Variants in CDH4 observed in about 807,000 individuals in gnomAD.
The protein encoded by CDH4 is cadherin 4.
CDH4 carries 33 observed loss-of-function variants against 86.0 expected under a neutral mutation model. That is an observed-to-expected ratio of 0.38 (90% CI 0.29 to 0.51). CDH4 has a LOEUF of 0.51. CDH4 is among the 20% of genes least tolerant of loss of function. The pLI is 0.86. For synonymous variants in CDH4, 555 were observed against 549.4 expected, an observed-to-expected ratio of 1.01 and a Z score of -0.14; for missense variants, 1,114 against 1,307.4, an observed-to-expected ratio of 0.85 and a Z score of 2.28.
intron 2 of CDH4, among the ~76,000 whole-genome samples, chr20:61,444,633 G>A (rs926392017): frequency 4.7e-5 from 7 of 148,290 alleles, no homozygotes; most frequent in Non-Finnish European, 1.0e-4. Flanking sequence ...GTGTATATTT[G>A]TGTGTTTCTG....
At chr20:61,353,068 C>G (rs1364451778) in intron 2 of CDH4, among the ~76,000 whole-genome samples, 6 of 152,182 alleles carry the variant, frequency 3.9e-5, no homozygotes, top group Admixed American at 3.9e-4. Flanking sequence ...GGTTTCTGAC[C>G]CGCCACAGGG....
chr20:61,340,410 C>A (rs1042352933), intron 2 of CDH4, among the ~76,000 whole-genome samples: 1 of 152,162 alleles, frequency 6.6e-6, no homozygotes, highest in Non-Finnish European at 1.5e-5. Flanking sequence ...AAACCAAGTC[C>A]GGTGTCCATC....
intron 3 of CDH4, among the ~76,000 whole-genome samples, chr20:61,758,562 C>A (rs971275218): frequency 6.6e-6 from 1 of 152,192 alleles, no homozygotes; most frequent in African/African-American, 2.4e-5. Flanking sequence ...CACCTCCCAG[C>A]CAAGGATGTC....
At position 61,333,906 on chromosome 20, in the gene CDH4, A is replaced by C. The variant is rs6028119; in HGVS notation, c.169+78969A>C. Reference sequence around the variant, plus strand: ...AATGGCTGCATACAGGCTGCAGACCAGGGGCACCATGAGGTGACTGGGTGG... The same window carrying C: ...AATGGCTGCATACAGGCTGCAGACCCGGGGCACCATGAGGTGACTGGGTGG... On this transcript the variant is annotated intron_variant, in intron 2 of 15. Coordinates refer to ENST00000614565, the MANE Select transcript of CDH4 (RefSeq NM_001794.5). Among the ~76,000 whole-genome samples the C allele has an allele frequency of 3.5e-3, 537 of 152,216 alleles. 3 individuals are homozygous for C. The highest frequency in any genetic ancestry group is 0.012 in the African/African-American group (499 of 41,548).
chr20:61,822,501 G>T (rs560145002), intron 4 of CDH4, among the ~76,000 whole-genome samples: 33 of 152,196 alleles, frequency 2.2e-4, no homozygotes, highest in Non-Finnish European at 3.7e-4. Context: ...GTGTGGTTCG[G>T]CGACCTCGCT....
chr20:61,524,153 G>C (rs2085893415), intron 2 of CDH4, among the ~76,000 whole-genome samples: 2 of 152,180 alleles, frequency 1.3e-5, no homozygotes, highest in South Asian at 4.1e-4. Flanking sequence ...GCTTGCTGTG[G>C]TCCATTGGGC....
At chr20:61,591,177 T>C (rs879298041) in intron 2 of CDH4, among the ~76,000 whole-genome samples, 20 of 152,192 alleles carry the variant, frequency 1.3e-4, no homozygotes, top group Non-Finnish European at 2.4e-4. Flanking sequence ...CACTGATAAG[T>C]ACCAGGGCTG....
At chr20:61,403,184 A>G (rs2085059504) in intron 2 of CDH4, among the ~76,000 whole-genome samples, 2 of 152,190 alleles carry the variant, frequency 1.3e-5, no homozygotes, top group South Asian at 4.1e-4. Context: ...TTGAAGAGGC[A>G]AGCTACACAT....
intron 2 of CDH4, among the ~76,000 whole-genome samples, chr20:61,495,990 A>G (rs965174725): frequency 3.3e-5 from 5 of 151,804 alleles, no homozygotes. Flanking sequence ...GTGCCGTGCC[A>G]TGCAAGGGAA....
In CDH4 at chr20:61,514,340, G is replaced by A. The variant is rs1006399599; in HGVS notation, c.170-229223G>A. On this transcript the variant is annotated intron_variant, in intron 2 of 15. Coordinates refer to ENST00000614565, the MANE Select transcript of CDH4 (RefSeq NM_001794.5). ...GCCCCCCCCCACCCCCACCCCCGAT[G>A]TCTATGTGACAGTGGTTGGCATTTT... Among the ~76,000 whole-genome samples, 75 of 65,718 alleles carry A rather than the reference G, an allele frequency of 1.1e-3. 1 individual carries two copies. Among genetic ancestry groups the A allele is most frequent in the African/African-American group, 5.8e-3 (65 of 11,250 alleles). The allele number at this position is 65,718 out of a possible 152,430, so 43.1% of individuals were successfully genotyped here.
At chr20:61,833,921 C>T (rs1441171640) in intron 4 of CDH4, among the ~76,000 whole-genome samples, 2 of 152,222 alleles carry the variant, frequency 1.3e-5, no homozygotes, top group African/African-American at 4.8e-5. Flanking sequence ...TCTATGGGAG[C>T]ACTGCCTGGA....
chr20:61,565,290 T>TCTC (rs1429139389), intron 2 of CDH4, among the ~76,000 whole-genome samples: 1 of 47,186 alleles, frequency 2.1e-5, no homozygotes, highest in Non-Finnish European at 4.0e-5. Flanking sequence ...GATGGGGTGA[T>TCTC]GGTGGTGGCG....
chr20:61,369,351 T>C (rs2084827362), intron 2 of CDH4, among the ~76,000 whole-genome samples: 2 of 145,822 alleles, frequency 1.4e-5, no homozygotes, highest in African/African-American at 5.1e-5. Flanking sequence ...CTCAGGAGGC[T>C]GAGGTGGGAG....
At chr20:61,858,893 G>A (rs577477190) in intron 6 of CDH4, among the ~76,000 whole-genome samples, 1 of 152,278 alleles carries the variant, frequency 6.6e-6, no homozygotes, top group South Asian at 2.1e-4. Context: ...GGTCTCGTGT[G>A]AACATAAGTT....
At chr20:61,838,224 T>G (rs1461071227) in intron 4 of CDH4, among the ~76,000 whole-genome samples, 1 of 152,112 alleles carries the variant, frequency 6.6e-6, no homozygotes, top group Admixed American at 6.5e-5. Context: ...CAGGAACGGT[T>G]GGGCCCTACC....
At chr20:61,597,757 A>G (rs1401539193) in intron 2 of CDH4, among the ~76,000 whole-genome samples, 2 of 152,174 alleles carry the variant, frequency 1.3e-5, no homozygotes, top group African/African-American at 2.4e-5. Context: ...CCCATGAAGG[A>G]GCCACATCAA....
At chr20:61,607,105 T>C (rs1388153840) in intron 2 of CDH4, among the ~76,000 whole-genome samples, 1 of 152,202 alleles carries the variant, frequency 6.6e-6, no homozygotes, top group Admixed American at 6.5e-5. Flanking sequence ...CTAACCTGCC[T>C]TTGCCACACA....
chr20:61,517,913 C>G lies in CDH4; in HGVS notation c.170-225650C>G, dbSNP rs148995473. Reference sequence around the variant, plus strand: ...CATATACCCCTCAGGGTCCCTCCCCCAAATGCACAGACACAGCCAGACAGC... The same window carrying G: ...CATATACCCCTCAGGGTCCCTCCCCGAAATGCACAGACACAGCCAGACAGC... On this transcript the variant is annotated intron_variant, in intron 2 of 15. Transcript: ENST00000614565. This position sits in a 1 kb window ranked among gnomAD's most constrained non-coding sequence, Gnocchi z 6.6. 4.4e-3 allele frequency among the ~76,000 whole-genome samples: 675 copies of G among 152,284 alleles called. 6 individuals carry two copies. The highest frequency in any genetic ancestry group is 0.015 in the African/African-American group (642 of 41,574).
intron 4 of CDH4, among the ~76,000 whole-genome samples, chr20:61,778,854 C>A (rs536392514): frequency 2.0e-5 from 3 of 152,294 alleles, no homozygotes; most frequent in African/African-American, 7.2e-5. Flanking sequence ...CCTCCCTGGT[C>A]CAGAATTCTG....
Sources: gnomAD v4.1 joint callset for allele counts (sites outside exome capture counted in the v4.1 genomes callset) on GRCh38, gnomAD v4.1.1 for gene constraint, Gnocchi (gnomAD v3.1) non-coding constraint, MANE v1.5 for transcripts, NCBI Gene and HGNC (gene_info 2026-07-23, HGNC 2026-07-21) for gene names.